DAB1: variants seen among roughly 807,000 people sequenced by gnomAD.
DAB1 encodes DAB adaptor protein 1.
A neutral mutation model predicts 64.6 loss-of-function variants in DAB1; 15 were observed. The ratio of observed to expected loss-of-function variants is 0.23; its 90% CI spans 0.16 to 0.36. The LOEUF (loss-of-function observed/expected upper bound fraction) is 0.36, where lower values mean the gene tolerates loss of function less well. Among genes scored for constraint, DAB1 ranks in the 10% least tolerant of loss-of-function variants. DAB1 has a pLI of 1.00. For missense variants in DAB1, 596 were observed against 706.7 expected, an observed-to-expected ratio of 0.84 and a Z score of 1.78; for synonymous variants, 235 against 251.9, an observed-to-expected ratio of 0.93 and a Z score of 0.64.
At chr1:57,006,328 C>T (rs1030691692) in intron 14 of DAB1, among the ~76,000 whole-genome samples, 1 of 152,186 alleles carries the variant, frequency 6.6e-6, no homozygotes, top group African/African-American at 2.4e-5. Flanking sequence ...CAGTTGGTCC[C>T]AAAGTAAACT....
chr1:57,424,368 G>T (rs967340370), upstream of DAB1, among the ~76,000 whole-genome samples: 7 of 151,712 alleles, frequency 4.6e-5, no homozygotes, highest in Non-Finnish European at 1.5e-5. Flanking sequence ...CGGGGGCGCC[G>T]CGGCTTGCAG....
At chr1:57,935,360 T>A (rs547421228) in intron 5 of DAB1, among the ~76,000 whole-genome samples, 1 of 152,316 alleles carries the variant, frequency 6.6e-6, no homozygotes, top group African/African-American at 2.4e-5. Context: ...TGCGAATTAA[T>A]TGAGGTTAAC....
chr1:58,310,800 T>C (rs912656850), intron 4 of DAB1, among the ~76,000 whole-genome samples: 1 of 152,036 alleles, frequency 6.6e-6, no homozygotes, highest in Admixed American at 6.6e-5. Context: ...ATACCAATAT[T>C]CACTCGTATA....
In DAB1 at chr1:57,584,175, C is replaced by T. The variant is rs1444112753; in HGVS notation, n.625+65417G>A. ...GTGCTCAAATAAGGAAACGCTGAGC[C>T]GTAACCAATCCAGCCATTCTGTACC... On this transcript the variant is annotated intron_variant and non_coding_transcript_variant, in intron 7 of 20. Coordinates refer to the DAB1 transcript ENST00000485760. 5.3e-5 allele frequency among the ~76,000 whole-genome samples: 8 copies of T among 152,132 alleles called. No homozygotes were observed. The South Asian group carries it at 6.2e-4, about 12-fold the overall frequency.
Position 57,830,226 on chromosome 1 carries a change from A to G in DAB1, n.88-3771T>C, listed in dbSNP as rs551254993. On this transcript the variant is annotated intron_variant and non_coding_transcript_variant, in intron 1 of 1. Coordinates refer to the DAB1 transcript ENST00000477280. ...TAGATGCCCTGAGCAAAGAAAGACC[A>G]TTAAACCTCTGGAATCCTCTGAATA... is the stretch of plus-strand genomic sequence containing the variant. Among the ~76,000 whole-genome samples the G allele has an allele frequency of 3.9e-5, 6 of 152,324 alleles. No individual in the cohort carries two copies. In the South Asian group the frequency reaches 8.3e-4, roughly 21 times the overall value.
At chr1:58,445,337 C>T (rs1273059622) in intron 3 of DAB1, among the ~76,000 whole-genome samples, 1 of 152,210 alleles carries the variant, frequency 6.6e-6, no homozygotes, top group African/African-American at 2.4e-5. Context: ...TCAATATTCC[C>T]ACCTTACGGA....
intron 6 of DAB1, among the ~76,000 whole-genome samples, chr1:57,820,604 C>A (rs889209245): frequency 6.6e-6 from 1 of 152,178 alleles, no homozygotes; most frequent in African/African-American, 2.4e-5. Context: ...AGTATCATTG[C>A]TTCTACTCCA....
intron 9 of DAB1, among the ~76,000 whole-genome samples, chr1:57,059,253 A>C (rs1650141126): frequency 6.6e-6 from 1 of 152,292 alleles, no homozygotes; most frequent in South Asian, 2.1e-4. Flanking sequence ...AACATAGAGG[A>C]TCAGAGATGC....
intron 4 of DAB1, among the ~76,000 whole-genome samples, chr1:57,083,400 C>A (rs959622168): frequency 6.6e-6 from 1 of 152,102 alleles, no homozygotes; most frequent in African/African-American, 2.4e-5. Context: ...TCCTAATAAC[C>A]ATTGTGGGTG....
chr1:57,372,310 G>T (rs1422865764), intron 1 of DAB1, among the ~76,000 whole-genome samples: 1 of 152,140 alleles, frequency 6.6e-6, no homozygotes, highest in Non-Finnish European at 1.5e-5. Flanking sequence ...TTTCCACCTT[G>T]TGGGGCCCGC....
At chr1:57,249,393 C>T (rs1364635573) in intron 2 of DAB1, among the ~76,000 whole-genome samples, 1 of 152,034 alleles carries the variant, frequency 6.6e-6, no homozygotes, top group African/African-American at 2.4e-5. Context: ...TGTTTTGAGA[C>T]AAGGTCTCAC....
intron 9 of DAB1, among the ~76,000 whole-genome samples, chr1:57,046,242 C>T (rs1329608568): frequency 6.6e-6 from 1 of 152,142 alleles, no homozygotes; most frequent in African/African-American, 2.4e-5. Flanking sequence ...TTTGGATTCC[C>T]TGAAGTAGAT....
chr1:57,086,024 A>G (rs1653039692), intron 4 of DAB1, among the ~76,000 whole-genome samples: 1 of 152,182 alleles, frequency 6.6e-6, no homozygotes, highest in Non-Finnish European at 1.5e-5. Flanking sequence ...AACTGCAATC[A>G]GTATGGGATT....
chr1:58,148,640 G>A (rs1654744211), intron 5 of DAB1, among the ~76,000 whole-genome samples: 1 of 152,162 alleles, frequency 6.6e-6, no homozygotes, highest in Non-Finnish European at 1.5e-5. Flanking sequence ...TCACAATCAT[G>A]GCAGAAGGCA....
chr1:57,198,909 CA>C (rs1424804574), intron 2 of DAB1, among the ~76,000 whole-genome samples: 3 of 152,196 alleles, frequency 2.0e-5, no homozygotes, highest in African/African-American at 7.2e-5. Flanking sequence ...AGGACAAGAG[CA>C]TAAGTTGGGG....
At chr1:58,465,223 G>A (rs1465115389) in intron 3 of DAB1, among the ~76,000 whole-genome samples, 1 of 152,166 alleles carries the variant, frequency 6.6e-6, no homozygotes, top group Non-Finnish European at 1.5e-5. Flanking sequence ...CATTCAGGCA[G>A]GTACAGCCCC....
chr1:57,904,608 C>G (rs902789563), intron 5 of DAB1, among the ~76,000 whole-genome samples: 9 of 152,134 alleles, frequency 5.9e-5, no homozygotes, highest in Non-Finnish European at 1.3e-4. Context: ...CCTTTTGGAG[C>G]AGGAGATAAT....
chr1:58,373,234 C>A (rs2100537686), intron 3 of DAB1, among the ~76,000 whole-genome samples: 1 of 148,356 alleles, frequency 6.7e-6, no homozygotes, highest in South Asian at 2.2e-4. Flanking sequence ...AGGTCAGTTA[C>A]ATATGTATAC....
At position 58,244,840 on chromosome 1, in the gene DAB1, T is replaced by G. The variant is rs146686376; in HGVS notation, n.310-94252A>C. 1.9e-3 allele frequency among the ~76,000 whole-genome samples: 287 copies of G among 152,292 alleles called. 2 individuals are homozygous for G. The highest frequency in any genetic ancestry group is 6.5e-3 in the African/African-American group (270 of 41,554). ...ATGAAACCAGAGAATACAGGTAGTGTGCTCAACCCAGTGTCTGACATACAG... is the reference window on the plus strand; with the variant it reads ...ATGAAACCAGAGAATACAGGTAGTGGGCTCAACCCAGTGTCTGACATACAG... On this transcript the variant is annotated intron_variant and non_coding_transcript_variant, in intron 4 of 20. Coordinates refer to the DAB1 transcript ENST00000485760.
Sources: allele counts gnomAD v4.1 joint callset (sites outside exome capture counted in the v4.1 genomes callset), GRCh38; gene constraint gnomAD v4.1.1; transcripts MANE v1.5; gene names NCBI Gene and HGNC (gene_info 2026-07-23, HGNC 2026-07-21).